Variants in EVC2 observed in about 807,000 individuals in gnomAD.
The protein encoded by EVC2 is EvC ciliary complex subunit 2.
A neutral mutation model predicts 149.3 loss-of-function variants in EVC2; 148 were observed. The ratio of observed to expected loss-of-function variants is 0.99; its 90% CI spans 0.87 to 1.14. EVC2 has a LOEUF of 1.14. Ranked by LOEUF, EVC2 falls within the 50% of genes most tolerant of loss-of-function variation. The probability of loss-of-function intolerance (pLI) is 0.00; values close to 1 mark genes in which losing one functional copy is unlikely to be tolerated. For synonymous variants in EVC2, 776 were observed against 649.9 expected, an observed-to-expected ratio of 1.19 and a Z score of -2.95; for missense variants, 1,854 against 1,627.3, an observed-to-expected ratio of 1.14 and a Z score of -2.40.
chr4:5,706,441 G>C (rs62298621), intron 1 of EVC2, among the ~76,000 whole-genome samples: 5,083 of 44,202 alleles, frequency 0.11, 727 homozygotes, highest in Non-Finnish European at 0.13. Context: ...TAGATAGATA[G>C]ATAGATACAT....
intron 7 of EVC2, among the ~76,000 whole-genome samples, chr4:5,666,810 T>C (rs567291258): frequency 6.6e-6 from 1 of 152,336 alleles, no homozygotes; most frequent in African/African-American, 2.4e-5. Flanking sequence ...TGATGAAGTA[T>C]CCTAAGTATC....
chr4:5,643,240 G>A (rs1423952869), intron 9 of EVC2, among the ~76,000 whole-genome samples: 1 of 152,204 alleles, frequency 6.6e-6, no homozygotes, highest in Non-Finnish European at 1.5e-5. Flanking sequence ...GCAGAGGGAT[G>A]AAATTCCCAC....
At chr4:5,571,370 G>T (rs1722636990) in intron 19 of EVC2, among the ~76,000 whole-genome samples, 1 of 150,176 alleles carries the variant, frequency 6.7e-6, no homozygotes, top group African/African-American at 2.5e-5. Context: ...CACTGTTCAG[G>T]TGGTGGGTGC....
intron 10 of EVC2, among the ~76,000 whole-genome samples, chr4:5,635,543 G>C (rs767983580): frequency 4.6e-5 from 7 of 152,204 alleles, no homozygotes; most frequent in Non-Finnish European, 1.0e-4. Context: ...GAGAAGCACA[G>C]GCCTGCATCA....
chr4:5,649,695 C>T (rs1051160483), intron 9 of EVC2, among the ~76,000 whole-genome samples: 1 of 152,110 alleles, frequency 6.6e-6, no homozygotes, highest in Non-Finnish European at 1.5e-5. Context: ...CCATTTTTTA[C>T]AATATAAATC....
At chr4:5,665,768 G>T in intron 7 of EVC2, 119 bp from the exon 8 acceptor site, 1 of 1,476,316 alleles carries the variant, frequency 6.8e-7, no homozygotes, top group Non-Finnish European at 9.2e-7. Context: ...GCTTGCATTT[G>T]AGTCTCGCTC....
At chr4:5,584,509 C>T (rs978131948) in intron 17 of EVC2, 114 bp downstream of exon 17, 8 of 1,096,116 alleles carry the variant, frequency 7.3e-6, no homozygotes, top group African/African-American at 1.6e-5. Flanking sequence ...CTCACCACAA[C>T]CCCACAGCAC....
chr4:5,592,200 A>G (rs1712869726), intron 16 of EVC2, among the ~76,000 whole-genome samples: 1 of 152,182 alleles, frequency 6.6e-6, no homozygotes, highest in African/African-American at 2.4e-5. Context: ...ACAATCCCCC[A>G]AGAGCAGGCC....
rs1719578160 is a variant in EVC2 at position 5,670,507 on chromosome 4, A to T, written c.871-4858T>A. The stretch of plus-strand genomic sequence containing the variant: ...CACCATCACCATCACCACCATCACC[A>T]TCGCCACCACGATTATCAACATCAT... On this transcript the variant is annotated intron_variant, in intron 7 of 21. Transcript: ENST00000344408. This position sits in a 1 kb window ranked among gnomAD's most constrained non-coding sequence, Gnocchi z 5.2. Among the ~76,000 whole-genome samples, 1 of 151,928 alleles carries T rather than the reference A, an allele frequency of 6.6e-6. No homozygotes were observed. The highest frequency in any genetic ancestry group is 1.5e-5 in the Non-Finnish European group (1 of 67,988).
At chr4:5,666,838 G>A (rs1719314767) in intron 7 of EVC2, among the ~76,000 whole-genome samples, 1 of 152,066 alleles carries the variant, frequency 6.6e-6, no homozygotes. Flanking sequence ...TCTCAAGTAA[G>A]TTCGTTTGGA....
rs1321055764 is a variant in EVC2 at position 5,613,137 on chromosome 4, G to A, written c.2829+2285C>T. 2.0e-5 allele frequency among the ~76,000 whole-genome samples: 3 copies of A among 151,980 alleles called. No individual in the cohort carries two copies. The highest frequency in any genetic ancestry group is 2.9e-5 in the Non-Finnish European group (2 of 68,010). On this transcript the variant is annotated intron_variant, in intron 16 of 21. Coordinates refer to ENST00000344408, the MANE Select transcript of EVC2 (RefSeq NM_147127.5). The surrounding 1 kb of genome is among the most constrained non-coding windows in gnomAD (Gnocchi z 4.6). ...CATCCTGTGACTCTGCTCCAAGGGT[G>A]CTGGTGAGATGGCCCTTAGCTTTCT...
At chr4:5,598,150 A>G (rs1162565475) in intron 16 of EVC2, among the ~76,000 whole-genome samples, 1 of 151,802 alleles carries the variant, frequency 6.6e-6, no homozygotes, top group Admixed American at 6.6e-5. Flanking sequence ...TGCCCAAGGT[A>G]ATTTATAGAT....
Position 5,625,227 on chromosome 4 carries a change from C to G in EVC2, c.2046+522G>C, listed in dbSNP as rs1716015748. 6.6e-6 allele frequency among the ~76,000 whole-genome samples: 1 copy of G among 151,922 alleles called. No homozygotes were observed. Among genetic ancestry groups the G allele is most frequent in the Non-Finnish European group, 1.5e-5 (1 of 67,984 alleles). On this transcript the variant is annotated intron_variant, in intron 13 of 21. Transcript: ENST00000344408. This position sits in a 1 kb window ranked among gnomAD's most constrained non-coding sequence, Gnocchi z 4.0. ...TCCAGGCCCTACCCTCGTCCCTCTG[C>G]ACACTCCAGCCTCATCATATTCTTA...
rs1711944188 is a variant in EVC2, at chr4:5,583,048, AG to A, written c.3057+1574del. 4.6e-5 allele frequency among the ~76,000 whole-genome samples: 7 copies of A among 152,186 alleles called. No homozygotes were observed. In the South Asian group the frequency reaches 1.4e-3, roughly 31 times the overall value. ...TTTCCTTTATAAATTACCCAGTCTCAGGGTATTTCTTATAGCAATGCAAGAA... is the reference window on the plus strand; with the variant it reads ...TTTCCTTTATAAATTACCCAGTCTCAGGTATTTCTTATAGCAATGCAAGAA... On this transcript the variant is annotated intron_variant, in intron 17 of 21. Coordinates refer to ENST00000344408, the MANE Select transcript of EVC2 (RefSeq NM_147127.5).
chr4:5,574,811 T>C (rs1263587941), intron 18 of EVC2, 39 bp from the exon 19 acceptor site: 20 of 1,571,050 alleles, frequency 1.3e-5, no homozygotes, highest in Non-Finnish European at 1.6e-5. Context: ...TCAGTTTTGT[T>C]ATAAAGTGAT....
intron 14 of EVC2, among the ~76,000 whole-genome samples, chr4:5,621,231 G>T (rs1343890654): frequency 6.6e-6 from 1 of 152,180 alleles, no homozygotes; most frequent in East Asian, 1.9e-4. Context: ...GATTCTAGGA[G>T]ATAACTTCTA....
At position 5,686,697 on chromosome 4, in the gene EVC2, A is replaced by G. The variant is rs1234439531; in HGVS notation, c.707-1218T>C. ...ACAACACTGGCTCTAATAAAAGAAA[A>G]GCACCAAATAATAATGATGAGGTCA... On this transcript the variant is annotated intron_variant, in intron 5 of 21. Transcript: ENST00000344408. This position sits in a 1 kb window ranked among gnomAD's most constrained non-coding sequence, Gnocchi z 5.4. Among the ~76,000 whole-genome samples the G allele has an allele frequency of 6.6e-6, 1 of 152,192 alleles. No homozygotes were observed. The highest frequency in any genetic ancestry group is 1.5e-5 in the Non-Finnish European group (1 of 68,028).
At chr4:5,665,769 AG>A in intron 7 of EVC2, 120 bp from the exon 8 acceptor site, 1 of 1,472,650 alleles carries the variant, frequency 6.8e-7, no homozygotes, top group Non-Finnish European at 9.3e-7. Context: ...CTTGCATTTG[AG>A]TCTCGCTCTG....
chr4:5,706,395 TAG>T (rs1722174546), intron 1 of EVC2, among the ~76,000 whole-genome samples: 3 of 81,466 alleles, frequency 3.7e-5, no homozygotes, highest in African/African-American at 1.4e-4. Context: ...GATAGATACA[TAG>T]ATAGATAGAT....
Sources: gnomAD v4.1 joint callset for allele counts (sites outside exome capture counted in the v4.1 genomes callset) on GRCh38, gnomAD v4.1.1 for gene constraint, Gnocchi (gnomAD v3.1) non-coding constraint, MANE v1.5 for transcripts, NCBI Gene and HGNC (gene_info 2026-07-23, HGNC 2026-07-21) for gene names.